The following GUCY2D variants were observed in gnomAD, a reference collection of about 807,000 sequenced individuals.
GUCY2D encodes guanylate cyclase 2D, retinal, also known as retinal guanylyl cyclase 1.
GUCY2D carries 70 observed loss-of-function variants against 101.3 expected under a neutral mutation model. The observed-to-expected ratio is 0.69, with a 90% CI of 0.57 to 0.84. The LOEUF (loss-of-function observed/expected upper bound fraction) is 0.84, where lower values mean the gene tolerates loss of function less well. Ranked by LOEUF, GUCY2D falls within the 40% of genes least tolerant of loss-of-function variation. The probability of loss-of-function intolerance (pLI) is 0.00; values close to 1 mark genes in which losing one functional copy is unlikely to be tolerated. For synonymous variants in GUCY2D, 688 were observed against 670.7 expected (o/e 1.03, Z -0.40); for missense variants, 1,460 against 1,542.5 (o/e 0.95, Z 0.90).
Position 8,003,988 on chromosome 17 carries a change from C to G in GUCY2D, c.858C>G (p.Ser286=). The change falls in exon 3 of 20, where the codon TCC becomes TCG. Residue 286 remains serine (S), a synonymous_variant. Coordinates refer to ENST00000254854, the MANE Select transcript of GUCY2D (RefSeq NM_000180.4). ...TCGACACGATCCACTACGCCTTGTC[C>G]CCAGGCCCGGAGGCCTTGGCCGCAC... ...LPFDTIHYAL[S]PGPEALAALA... is the part of the protein sequence containing the mutation. 1.2e-6 allele frequency: 2 copies of G among 1,613,598 alleles called. No homozygotes were observed. Among genetic ancestry groups the G allele is most frequent in the Non-Finnish European group, 1.7e-6 (2 of 1,179,922 alleles).
intron 3 of GUCY2D, among the ~76,000 whole-genome samples, chr17:8,004,726 T>C (rs954138310): frequency 5.3e-5 from 8 of 152,120 alleles, no homozygotes; most frequent in African/African-American, 1.9e-4. Context: ...ATCATCTAAC[T>C]TTACTCCCGC....
chr17:8,014,016 C>A lies in GUCY2D; in HGVS notation c.2400C>A (p.His800Gln). 6.2e-7 allele frequency: 1 copy of A among 1,613,168 alleles called. No homozygotes were observed. The highest frequency in any genetic ancestry group is 2.2e-5 in the East Asian group (1 of 44,886). ...CGGAACTTCGGCCCTCCATGGACCA[C>A]ACCTTCGACCTGGTCAGGGGCTGGG... ...EQPELRPSMD[H>Q]TFDLFKNINK... is the part of the protein sequence containing the mutation. The change falls in exon 12 of 20, where the codon CAC becomes CAA. Residue 800 changes from histidine to glutamine, a missense_variant. His to Gln is a conservative substitution (Grantham distance 24). Coordinates refer to ENST00000254854, the MANE Select transcript of GUCY2D (RefSeq NM_000180.4). The surrounding 1 kb of genome is among the most constrained non-coding windows in gnomAD (Gnocchi z 4.0).
Position 8,003,635 on chromosome 17 carries a change from G to A in GUCY2D, c.588G>A (p.Glu196=), listed in dbSNP as rs1242747629. ...CCGCCCCCCAGGACCTGTGGGTGGA[G>A]GCGGGACGCTCACTGTCCACGGCAC... The part of the protein sequence containing the change: ...LVTAPQDLWV[E]AGRSLSTALR... The change falls in exon 2 of 20, where the codon GAG becomes GAA. Residue 196 remains glutamate, a synonymous_variant. Transcript: ENST00000254854. The A allele has an allele frequency of 6.3e-7, 1 of 1,593,530 alleles. No homozygotes were observed. Among genetic ancestry groups the A allele is most frequent in the African/African-American group, 1.3e-5 (1 of 74,828 alleles).
chr17:8,012,199 G>C lies in GUCY2D; in HGVS notation c.1805G>C (p.Arg602Pro), dbSNP rs747173302. ...CTCTACCTGGGGCTTTTCCTGGCTCGGGGAGCAGAAGGCCCTGCGGCCCTC... is the reference window on the plus strand; with the variant it reads ...CTCTACCTGGGGCTTTTCCTGGCTCCGGGAGCAGAAGGCCCTGCGGCCCTC... ...VALYLGLFLA[R>P]GAEGPAALWE... Residue 602 changes from arginine (R) to proline (P), a missense_variant, in exon 9 of 20, where the codon CGG (arginine) becomes CCG (proline). Transcript: ENST00000254854. 4 of 1,613,974 alleles carry C rather than the reference G, an allele frequency of 2.5e-6. No homozygotes were observed. Among genetic ancestry groups the C allele is most frequent in the Non-Finnish European group, 3.4e-6 (4 of 1,180,002 alleles).
chr17:8,009,357 C>T (rs1448270187), intron 7 of GUCY2D, 149 bp from the exon 8 acceptor site: 5 of 744,094 alleles, frequency 6.7e-6, no homozygotes, highest in Non-Finnish European at 9.8e-6. Flanking sequence ...GATGGGCATA[C>T]ATCAAACCCC....
chr17:8,007,820 T>C, intron 6 of GUCY2D, 111 bp from the exon 7 acceptor site: 1 of 734,696 alleles, frequency 1.4e-6, no homozygotes, highest in Non-Finnish European at 2.5e-6. Context: ...CTTCCCTCAT[T>C]GAGATTCCTT....
At chr17:8,008,062 C>A in intron 7 of GUCY2D, 30 bp downstream of exon 7, 2 of 1,373,902 alleles carry the variant, frequency 1.5e-6, no homozygotes, top group Non-Finnish European at 2.1e-6. Context: ...GACAGAGAGA[C>A]AGTGGGGGAA....
rs766981529 is a variant in GUCY2D, at chr17:8,014,018, C to A, written c.2402C>A (p.Thr801Asn). ...QPELRPSMDH[T>N]FDLFKNINKG... ...GAACTTCGGCCCTCCATGGACCACACCTTCGACCTGGTCAGGGGCTGGGAG... is the reference window on the plus strand; with the variant it reads ...GAACTTCGGCCCTCCATGGACCACAACTTCGACCTGGTCAGGGGCTGGGAG... Residue 801 changes from threonine (T) to asparagine (N), a missense_variant, in exon 12 of 20, where the codon ACC (threonine) becomes AAC (asparagine). By Grantham distance (65) the Thr-to-Asn change is moderately conservative. Coordinates refer to ENST00000254854, the MANE Select transcript of GUCY2D (RefSeq NM_000180.4). This position sits in a 1 kb window ranked among gnomAD's most constrained non-coding sequence, Gnocchi z 4.0. The A allele has an allele frequency of 3.1e-6, 5 of 1,613,130 alleles. No homozygotes were observed. Among genetic ancestry groups the A allele is most frequent in the Non-Finnish European group, 3.4e-6 (4 of 1,179,886 alleles).
chr17:8,012,982 TTGCAGGGTCTCAGACCGGTCTCAGGC>T, intron 10 of GUCY2D, 95 bp from the exon 11 acceptor site: 1 of 820,174 alleles, frequency 1.2e-6, no homozygotes, highest in Admixed American at 2.4e-5. Context: ...TGGTCTCAGG[TTGCAGGGTCTCAGACCGGTCTCAGGC>T]TGCAGGGTTG....
In GUCY2D at chr17:8,007,435, A is replaced by G. The variant is rs756695371; in HGVS notation, c.1473A>G (p.Leu491=). 1.2e-6 allele frequency: 2 copies of G among 1,610,562 alleles called. No homozygotes were observed. Among genetic ancestry groups the G allele is most frequent in the South Asian group, 2.2e-5 (2 of 91,010 alleles). ...AFLAHYVRHR[L]LHMQMVSGPN... ...CCTCTTTCTCCACCAGGCACCGGCT[A>G]CTTCACATGCAAATGGTCTCCGGCC... The change falls in exon 6 of 20, where the codon CTA becomes CTG. Residue 491 remains leucine (L), a synonymous_variant. Transcript: ENST00000254854.
intron 3 of GUCY2D, among the ~76,000 whole-genome samples, chr17:8,004,801 C>A (rs765350640): frequency 2.0e-5 from 3 of 152,140 alleles, no homozygotes; most frequent in Non-Finnish European, 4.4e-5. Context: ...GTGAATTAAC[C>A]ACCACAAAGG....
At chr17:8,012,681 T>C in intron 10 of GUCY2D, 75 bp downstream of exon 10, 1 of 1,177,600 alleles carries the variant, frequency 8.5e-7, no homozygotes, top group Admixed American at 1.7e-5. Context: ...GCTTCCTCCC[T>C]ACCTCTGCCC....
chr17:8,003,173 G>A lies in GUCY2D; in HGVS notation c.126G>A (p.Leu42=). 6.7e-7 allele frequency: 1 copy of A among 1,503,410 alleles called. No homozygotes were observed. Among genetic ancestry groups the A allele is most frequent in the African/African-American group, 1.4e-5 (1 of 69,514 alleles). The allele number at this position is 1,503,410 out of a possible 1,614,324, so 93.1% of individuals were successfully genotyped here. The part of the protein sequence containing the change: ...ALPRLPLLLL[L]LLLQPPALSA... ...CCCGGCTCCCGCTCCTGCTGCTCCT[G>A]CTTCTGCTGCAGCCCCCCGCCCTCT... The change falls in exon 2 of 20, where the codon CTG becomes CTA. Residue 42 remains leucine, a synonymous_variant. Coordinates refer to ENST00000254854, the MANE Select transcript of GUCY2D (RefSeq NM_000180.4).
Position 8,002,702 on chromosome 17 carries a change from G to C in GUCY2D, c.-42G>C, listed in dbSNP as rs1394594171. ...GGGACCGGCCCTGTGACCCCTCACC[G>C]GGGGCCGTGGGCCCGAGCCCCCGGA... On this transcript the variant is annotated 5_prime_UTR_variant, in exon 1 of 20. Coordinates refer to ENST00000254854, the MANE Select transcript of GUCY2D (RefSeq NM_000180.4). The surrounding 1 kb of genome is among the most constrained non-coding windows in gnomAD (Gnocchi z 4.9). 1 of 16 alleles carries C rather than the reference G, an allele frequency of 0.062. No individual in the cohort carries two copies. Among genetic ancestry groups the C allele is most frequent in the African/African-American group, 0.25 (1 of 4 alleles). The allele number at this position is 16 out of a possible 1,614,324, so 0.0% of individuals were successfully genotyped here.
rs775044013 is a variant in GUCY2D, at chr17:8,016,008, G to T, written c.3125G>T (p.Arg1042Leu). The T allele has an allele frequency of 4.4e-6, 7 of 1,606,852 alleles. No individual in the cohort carries two copies. The highest frequency in any genetic ancestry group is 1.7e-5 in the Admixed American group (1 of 59,222). Residue 1042 changes from arginine (R) to leucine (L), a missense_variant, in exon 17 of 20, where the codon CGC becomes CTC. By Grantham distance (102) the Arg-to-Leu change is moderately radical. Transcript: ENST00000254854. The part of the protein sequence containing the change: ...DSGYQVELRG[R>L]TELKGKGAED... ...GGCTACCAGGTGGAGCTGCGAGGCCGCACGGAGCTGAAGGTGAGGCAGGGC... is the reference window on the plus strand; with the variant it reads ...GGCTACCAGGTGGAGCTGCGAGGCCTCACGGAGCTGAAGGTGAGGCAGGGC...
intron 14 of GUCY2D, 134 bp downstream of exon 14, chr17:8,015,185 T>G (rs959647224): frequency 1.7e-5 from 18 of 1,058,340 alleles, no homozygotes; most frequent in African/African-American, 1.6e-4. Context: ...CCCTTATTTA[T>G]TCCTCCAGTC....
In GUCY2D at chr17:8,011,838, A is replaced by C. The variant is rs948938008; in HGVS notation, c.1750-306A>C. Among the ~76,000 whole-genome samples the C allele has an allele frequency of 2.0e-5, 3 of 152,150 alleles. No homozygotes were observed. Among genetic ancestry groups the C allele is most frequent in the Non-Finnish European group, 4.4e-5 (3 of 68,016 alleles). ...AGTGAGACCTCGTGTCTAAAAAAAAAGGCTTATGATCAATAAATCCGAACC... is the reference window on the plus strand; with the variant it reads ...AGTGAGACCTCGTGTCTAAAAAAAACGGCTTATGATCAATAAATCCGAACC... On this transcript the variant is annotated intron_variant, in intron 8 of 19. Transcript: ENST00000254854. This position sits in a 1 kb window ranked among gnomAD's most constrained non-coding sequence, Gnocchi z 4.3.
At position 8,003,485 on chromosome 17, in the gene GUCY2D, G is replaced by C; in HGVS notation, c.438G>C (p.Ala146=). The C allele has an allele frequency of 6.5e-7, 1 of 1,527,628 alleles. No homozygotes were observed. The highest frequency in any genetic ancestry group is 8.7e-7 in the Non-Finnish European group (1 of 1,143,664). The allele number at this position is 1,527,628 out of a possible 1,614,324, so 94.6% of individuals were successfully genotyped here. ...AELLAEEAGI[A]LVPWGCPWTQ... ...TGCTCGCCGAAGAAGCCGGGATCGC[G>C]CTGGTGCCCTGGGGCTGCCCCTGGA... Residue 146 remains alanine, a synonymous_variant, in exon 2 of 20, where the codon GCG becomes GCC. Coordinates refer to ENST00000254854, the MANE Select transcript of GUCY2D (RefSeq NM_000180.4).
chr17:8,009,681 A>C (rs1975812912), intron 8 of GUCY2D, 95 bp downstream of exon 8: 1 of 841,860 alleles, frequency 1.2e-6, no homozygotes, highest in Non-Finnish European at 2.1e-6. Flanking sequence ...GTCTCAGTTA[A>C]GTGTCCCCTC....
Sources: gnomAD v4.1 joint callset for allele counts (sites outside exome capture counted in the v4.1 genomes callset) on GRCh38, gnomAD v4.1.1 for gene constraint, Gnocchi (gnomAD v3.1) non-coding constraint, MANE v1.5 for transcripts, NCBI Gene and HGNC (gene_info 2026-07-23, HGNC 2026-07-21) for gene names.